GALC: variants seen among roughly 807,000 people sequenced by gnomAD.
GALC encodes galactosylceramidase, also known as galactocerebrosidase.
In GALC, 77 loss-of-function variants were observed where a neutral mutation model predicts 91.8. That is an observed-to-expected ratio of 0.84 (90% CI 0.70 to 1.01). The LOEUF (loss-of-function observed/expected upper bound fraction) is 1.01, where lower values mean the gene tolerates loss of function less well. GALC is among the 50% of genes least tolerant of loss of function. The probability of loss-of-function intolerance (pLI) is 0.00; values close to 1 mark genes in which losing one functional copy is unlikely to be tolerated. For missense variants in GALC, 882 were observed against 855.9 expected, an observed-to-expected ratio of 1.03 and a Z score of -0.38; for synonymous variants, 357 against 306.7, an observed-to-expected ratio of 1.16 and a Z score of -1.71.
At chr14:87,973,658 C>G (rs1244949586) in intron 7 of GALC, among the ~76,000 whole-genome samples, 1 of 152,020 alleles carries the variant, frequency 6.6e-6, no homozygotes, top group African/African-American at 2.4e-5. Flanking sequence ...CATAGTAAAC[C>G]AACAGACAAT....
chr14:87,935,299 C>G (rs1350507596), intron 16 of GALC, among the ~76,000 whole-genome samples: 7 of 152,090 alleles, frequency 4.6e-5, no homozygotes, highest in Admixed American at 6.6e-5. Flanking sequence ...GTCAAAACAT[C>G]TGCTTCTACC....
intron 1 of GALC, 163 bp downstream of exon 1, chr14:87,992,807 C>T (rs1034516225): frequency 7.1e-7 from 1 of 1,404,408 alleles, no homozygotes; most frequent in Non-Finnish European, 9.2e-7. Context: ...GCCCCAGCCC[C>T]GCAGCGGGCC....
chr14:87,963,458 G>A lies in GALC; in HGVS notation c.1087C>T (p.His363Tyr), dbSNP rs1885896073. Reference sequence around the variant, plus strand: ...ACGTAGCTTCCTCCTTTCTCTAAATGGCCAACTGTCTTCAGGTAATACCAG... The same window carrying A: ...ACGTAGCTTCCTCCTTTCTCTAAATAGCCAACTGTCTTCAGGTAATACCAG... Reference protein sequence around the residue: ...PGWYYLKTVGHLEKGGSYVAL... With the variant: ...PGWYYLKTVGYLEKGGSYVAL... The change falls in exon 10 of 17, where the codon CAT (histidine) becomes TAT (tyrosine). Residue 363 changes from histidine to tyrosine, a missense_variant. By Grantham distance (83) the His-to-Tyr change is moderately conservative. Transcript: ENST00000261304. 3 of 1,612,896 alleles carry A rather than the reference G, an allele frequency of 1.9e-6. No homozygotes were observed. Among genetic ancestry groups the A allele is most frequent in the South Asian group, 2.2e-5 (2 of 91,058 alleles).
intron 10 of GALC, among the ~76,000 whole-genome samples, chr14:87,962,600 C>T (rs1232769573): frequency 6.7e-6 from 1 of 150,212 alleles, no homozygotes; most frequent in Non-Finnish European, 1.5e-5. Flanking sequence ...CACACACACA[C>T]ACACACACAC....
intron 16 of GALC, among the ~76,000 whole-genome samples, chr14:87,936,515 G>T (rs916226306): frequency 6.6e-6 from 1 of 151,664 alleles, no homozygotes; most frequent in African/African-American, 2.4e-5. Context: ...GGCCCACGAA[G>T]TCTAAAATAT....
At position 87,982,252 on chromosome 14, in the gene GALC, CAA is replaced by C; in HGVS notation, c.583-11_583-10del. On this transcript the variant is annotated splice_polypyrimidine_tract_variant and intron_variant, in intron 5 of 16. Transcript: ENST00000261304. ...GACCTCTCATTCCAAATCTGCAAAACAAAAAGTCAAAAAAGTCTGAATTGAAA... is the reference window on the plus strand; with the variant it reads ...GACCTCTCATTCCAAATCTGCAAAACAAAGTCAAAAAAGTCTGAATTGAAA... 1.9e-6 allele frequency: 3 copies of C among 1,563,936 alleles called. No individual in the cohort carries two copies. Among genetic ancestry groups the C allele is most frequent in the Non-Finnish European group, 2.6e-6 (3 of 1,135,644 alleles).
Position 87,933,914 on chromosome 14 carries a change from G to A in GALC, c.*818C>T. The A allele has an allele frequency of 5.2e-6, 7 of 1,343,418 alleles. No individual in the cohort carries two copies. Among genetic ancestry groups the A allele is most frequent in the Non-Finnish European group, 7.2e-6 (7 of 971,606 alleles). The allele number at this position is 1,343,418 out of a possible 1,614,324, so 83.2% of individuals were successfully genotyped here. Reference sequence around the variant, plus strand: ...AGTCTGTTACCAGTGCACATGTGAGGACAGACCACAGCACAGTGAGATGAG... The same window carrying A: ...AGTCTGTTACCAGTGCACATGTGAGAACAGACCACAGCACAGTGAGATGAG... On this transcript the variant is annotated 3_prime_UTR_variant, in exon 17 of 17. Coordinates refer to ENST00000261304, the MANE Select transcript of GALC (RefSeq NM_000153.4).
chr14:87,988,307 A>T, intron 2 of GALC, 100 bp from the exon 3 acceptor site: 4 of 1,323,678 alleles, frequency 3.0e-6, no homozygotes, highest in Non-Finnish European at 4.3e-6. Flanking sequence ...CAAAAACAAA[A>T]GCAAAACTTC....
At chr14:87,953,667 A>G (rs1472913343) in intron 10 of GALC, 2 of 1,609,182 alleles carry the variant, frequency 1.2e-6, no homozygotes, top group African/African-American at 1.3e-5. Context: ...CTGAAGCTCT[A>G]TCTAGAGTCC....
chr14:87,970,565 T>C (rs1225793133), intron 7 of GALC, among the ~76,000 whole-genome samples: 1 of 152,012 alleles, frequency 6.6e-6, no homozygotes, highest in East Asian at 1.9e-4. Context: ...AATGTATAGA[T>C]TTATTACTAG....
At chr14:87,984,902 G>T (rs1339181859) in intron 4 of GALC, among the ~76,000 whole-genome samples, 2 of 151,690 alleles carry the variant, frequency 1.3e-5, no homozygotes, top group Non-Finnish European at 2.9e-5. Flanking sequence ...TGTTCTTTGA[G>T]GTCAAATCAA....
intron 7 of GALC, 67 bp from the exon 8 acceptor site, chr14:87,968,557 T>C: frequency 7.0e-7 from 1 of 1,429,806 alleles, no homozygotes; most frequent in Non-Finnish European, 9.9e-7. Context: ...ACGTATAGAT[T>C]TGTTGAGTAT....
chr14:87,967,886 T>G (rs75338736), intron 8 of GALC, among the ~76,000 whole-genome samples: 1 of 152,256 alleles, frequency 6.6e-6, no homozygotes, highest in East Asian at 1.9e-4. Context: ...AATGACATTT[T>G]TGGGAAACAA....
At chr14:87,970,630 G>A (rs1886247569) in intron 7 of GALC, among the ~76,000 whole-genome samples, 1 of 151,500 alleles carries the variant, frequency 6.6e-6, no homozygotes, top group African/African-American at 2.4e-5. Flanking sequence ...GGAGGCCAAG[G>A]CGGGCGGATC....
intron 14 of GALC, among the ~76,000 whole-genome samples, chr14:87,943,067 C>T (rs1733567000): frequency 6.6e-6 from 1 of 152,052 alleles, no homozygotes; most frequent in Admixed American, 6.6e-5. Flanking sequence ...CTATATACCA[C>T]ATTCCAGAAT....
intron 16 of GALC, among the ~76,000 whole-genome samples, chr14:87,935,090 G>A (rs1386959220): frequency 6.6e-6 from 1 of 151,898 alleles, no homozygotes; most frequent in Non-Finnish European, 1.5e-5. Context: ...TACTTAAATC[G>A]TTCCCAAAGT....
chr14:87,973,628 C>T (rs1886382823), intron 7 of GALC, among the ~76,000 whole-genome samples: 1 of 152,118 alleles, frequency 6.6e-6, no homozygotes. Context: ...AAGAAGTTAT[C>T]AAATAATTTT....
At chr14:87,942,949 T>C (rs1884919606) in intron 14 of GALC, among the ~76,000 whole-genome samples, 1 of 152,014 alleles carries the variant, frequency 6.6e-6, no homozygotes, top group African/African-American at 2.4e-5. Context: ...CTTACATCCC[T>C]TACCTCCTTT....
chr14:87,949,430 C>A (rs1457932502), intron 12 of GALC, among the ~76,000 whole-genome samples: 1 of 151,952 alleles, frequency 6.6e-6, no homozygotes, highest in Non-Finnish European at 1.5e-5. Flanking sequence ...TTTGACATTT[C>A]ACTCTGTAGC....
Sources: allele counts gnomAD v4.1 joint callset (sites outside exome capture counted in the v4.1 genomes callset), GRCh38; gene constraint gnomAD v4.1.1; transcripts MANE v1.5; gene names NCBI Gene and HGNC (gene_info 2026-07-23, HGNC 2026-07-21).